The following FYB1 variants were observed in gnomAD, a reference collection of about 807,000 sequenced individuals.
FYB1 encodes the protein FYN-binding protein 1.
FYB1 carries 41 observed loss-of-function variants against 94.1 expected under a neutral mutation model. That is an observed-to-expected ratio of 0.44 (90% CI 0.34 to 0.57). The LOEUF is 0.57. FYB1 is among the 20% of genes least tolerant of loss of function. FYB1 has a pLI of 0.02. For missense variants in FYB1, 1,050 were observed against 976.8 expected, an observed-to-expected ratio of 1.07 and a Z score of -1.00; for synonymous variants, 367 against 353.2, an observed-to-expected ratio of 1.04 and a Z score of -0.44.
At chr5:39,186,191 G>A (rs1333893750) in intron 2 of FYB1, among the ~76,000 whole-genome samples, 2 of 152,216 alleles carry the variant, frequency 1.3e-5, no homozygotes, top group African/African-American at 2.4e-5. Context: ...TTTGGGAGGC[G>A]AAGGCGGGAG....
At chr5:39,163,746 A>T (rs566708587) in intron 2 of FYB1, among the ~76,000 whole-genome samples, 34 of 152,350 alleles carry the variant, frequency 2.2e-4, no homozygotes, top group Admixed American at 1.4e-3. Context: ...TTAAGAAGGA[A>T]AAATGTCAGC....
intron 1 of FYB1, among the ~76,000 whole-genome samples, chr5:39,227,948 A>G (rs749053047): frequency 2.0e-5 from 3 of 152,176 alleles, no homozygotes; most frequent in Admixed American, 6.5e-5. Flanking sequence ...TCACCTTGAG[A>G]GGGCCAACTG....
chr5:39,168,512 A>T (rs1415401706), intron 2 of FYB1, among the ~76,000 whole-genome samples: 31 of 152,214 alleles, frequency 2.0e-4, no homozygotes, highest in Admixed American at 2.0e-3. Flanking sequence ...GGGTTGATCT[A>T]TACTGCCCTA....
At chr5:39,158,745 A>G (rs1459747106) in intron 2 of FYB1, among the ~76,000 whole-genome samples, 1 of 152,196 alleles carries the variant, frequency 6.6e-6, no homozygotes, top group African/African-American at 2.4e-5. Context: ...GGGCATAAGG[A>G]ACATGTGGAG....
intron 2 of FYB1, among the ~76,000 whole-genome samples, chr5:39,187,024 A>G (rs1397060267): frequency 6.6e-6 from 1 of 152,310 alleles, no homozygotes; most frequent in Admixed American, 6.5e-5. Flanking sequence ...CTCATGATAA[A>G]AAAAATGATT....
Position 39,120,078 on chromosome 5 carries a change from G to A in FYB1, c.2139-444C>T, listed in dbSNP as rs79101502. On this transcript the variant is annotated intron_variant, in intron 14 of 18. Coordinates refer to ENST00000512982, the MANE Select transcript of FYB1 (RefSeq NM_001465.6). Reference sequence around the variant, plus strand: ...TTTTTATGGTTTATAACATTTATACGTTGTTTTGTTCACATCTACTTAAAA... The same window carrying A: ...TTTTTATGGTTTATAACATTTATACATTGTTTTGTTCACATCTACTTAAAA... Among the ~76,000 whole-genome samples, 44 of 152,176 alleles carry A rather than the reference G, an allele frequency of 2.9e-4. No homozygotes were observed. The East Asian group carries it at 4.8e-3, about 17-fold the overall frequency.
At chr5:39,268,430 T>G (rs1752526955) in intron 1 of FYB1, among the ~76,000 whole-genome samples, 1 of 152,010 alleles carries the variant, frequency 6.6e-6, no homozygotes, top group African/African-American at 2.4e-5. Flanking sequence ...AGAGATGACA[T>G]CTTGCTTTGT....
intron 2 of FYB1, among the ~76,000 whole-genome samples, chr5:39,196,445 T>C (rs1380198901): frequency 6.6e-6 from 1 of 152,200 alleles, no homozygotes; most frequent in Non-Finnish European, 1.5e-5. Context: ...TCAGCCCGCC[T>C]CGGCCTCCCA....
intron 2 of FYB1, among the ~76,000 whole-genome samples, chr5:39,161,957 T>C (rs1313189369): frequency 1.3e-5 from 2 of 152,254 alleles, no homozygotes; most frequent in African/African-American, 4.8e-5. Flanking sequence ...CAATATGTGG[T>C]TGTTTGTGAC....
chr5:39,116,264 A>G (rs867865571), intron 16 of FYB1, among the ~76,000 whole-genome samples: 1 of 152,200 alleles, frequency 6.6e-6, no homozygotes, highest in Non-Finnish European at 1.5e-5. Flanking sequence ...TCTTTACATA[A>G]AAAGCAACAT....
intron 1 of FYB1, among the ~76,000 whole-genome samples, chr5:39,218,182 C>T (rs886642508): frequency 1.3e-5 from 2 of 152,162 alleles, no homozygotes; most frequent in Non-Finnish European, 2.9e-5. Context: ...ACCTTTTTAG[C>T]CTTTCCTTTT....
chr5:39,263,908 G>A (rs1302444548), intron 1 of FYB1, among the ~76,000 whole-genome samples: 1 of 152,114 alleles, frequency 6.6e-6, no homozygotes, highest in African/African-American at 2.4e-5. Flanking sequence ...CCTCAGCTCA[G>A]GTGTCTCCAG....
intron 2 of FYB1, among the ~76,000 whole-genome samples, chr5:39,181,169 A>G (rs1275938637): frequency 6.6e-6 from 1 of 152,238 alleles, no homozygotes; most frequent in Non-Finnish European, 1.5e-5. Context: ...GTTGTGGGAA[A>G]TATTAAGTAA....
In FYB1 at chr5:39,125,367, TA is replaced by T. The variant is rs796370944; in HGVS notation, c.2045+630del. ...ATGTATGGAATTTATACTAAAGGATTATTTTTGGAATAGAAAGAGAAAAGTT... is the reference window on the plus strand; with the variant it reads ...ATGTATGGAATTTATACTAAAGGATTTTTTTGGAATAGAAAGAGAAAAGTT... On this transcript the variant is annotated intron_variant, in intron 12 of 18. Transcript: ENST00000512982. Among the ~76,000 whole-genome samples the T allele has an allele frequency of 2.0e-5, 3 of 152,302 alleles. No individual in the cohort carries two copies. In the South Asian group the frequency reaches 6.2e-4, roughly 32 times the overall value.
At chr5:39,246,139 G>A (rs1454856111) in intron 1 of FYB1, among the ~76,000 whole-genome samples, 1 of 152,100 alleles carries the variant, frequency 6.6e-6, no homozygotes, top group Non-Finnish European at 1.5e-5. Context: ...TGTTTGGGGT[G>A]GACCAGTGGC....
intron 1 of FYB1, among the ~76,000 whole-genome samples, chr5:39,235,883 A>G (rs1661861): frequency 0.17 from 25,632 of 152,020 alleles, 5,767 homozygotes; most frequent in African/African-American, 0.5. Context: ...TGATAGAAAT[A>G]TTCTATTTTG....
chr5:39,153,769 G>A (rs987992530), intron 2 of FYB1, among the ~76,000 whole-genome samples, 165 bp from the exon 3 acceptor site: 2 of 151,994 alleles, frequency 1.3e-5, no homozygotes, highest in Admixed American at 6.6e-5. Context: ...TTATTACTAC[G>A]TTGTGTGCTG....
intron 1 of FYB1, among the ~76,000 whole-genome samples, chr5:39,204,377 T>C (rs1435157625): frequency 6.6e-6 from 1 of 152,198 alleles, no homozygotes; most frequent in Admixed American, 6.5e-5. Flanking sequence ...GAGGATGGCA[T>C]GGCCAGACAT....
At chr5:39,223,809 G>T (rs891207590), upstream of FYB1, among the ~76,000 whole-genome samples, 1 of 152,092 alleles carries the variant, frequency 6.6e-6, no homozygotes, top group Non-Finnish European at 1.5e-5. Context: ...GATGGAGAAG[G>T]TCAGCTTATT....
Sources: gnomAD v4.1 joint callset for allele counts (sites outside exome capture counted in the v4.1 genomes callset) on GRCh38, gnomAD v4.1.1 for gene constraint, MANE v1.5 for transcripts, NCBI Gene and HGNC (gene_info 2026-07-23, HGNC 2026-07-21) for gene names.